RPS6KC1: variants seen among roughly 807,000 people sequenced by gnomAD.
The protein encoded by RPS6KC1 is ribosomal protein S6 kinase C1.
In RPS6KC1, 54 loss-of-function variants were observed where a neutral mutation model predicts 103.8. That is an observed-to-expected ratio of 0.52 (90% confidence interval 0.42 to 0.65). RPS6KC1 has a LOEUF of 0.65. Among genes scored for constraint, RPS6KC1 ranks in the 30% least tolerant of loss-of-function variants. RPS6KC1 has a pLI of 0.00. For synonymous variants in RPS6KC1, 439 were observed against 438.7 expected, an observed-to-expected ratio of 1.00 and a Z score of -0.01; for missense variants, 1,151 against 1,253.8, an observed-to-expected ratio of 0.92 and a Z score of 1.24.
chr1:213,260,484 G>T (rs1307543639), intron 12 of RPS6KC1, among the ~76,000 whole-genome samples: 2 of 152,258 alleles, frequency 1.3e-5, no homozygotes, highest in South Asian at 2.1e-4. Context: ...AAGCTATTTT[G>T]TAAGTTTGGG....
intron 8 of RPS6KC1, among the ~76,000 whole-genome samples, chr1:213,191,057 G>T (rs1435368856): frequency 6.6e-6 from 1 of 152,086 alleles, no homozygotes; most frequent in African/African-American, 2.4e-5. Flanking sequence ...TAGCTCTTTA[G>T]TATAATTTAA....
At chr1:213,354,367 C>T in the RPS6KC1 span, among the ~76,000 whole-genome samples, 2 of 152,166 alleles carry the variant, frequency 1.3e-5, no homozygotes, top group Non-Finnish European at 2.9e-5. Flanking sequence ...AGAACCCTCT[C>T]ATGTGTATGA....
chr1:213,504,323 C>G, the RPS6KC1 span, among the ~76,000 whole-genome samples: 1 of 152,070 alleles, frequency 6.6e-6, no homozygotes, highest in Non-Finnish European at 1.5e-5. Flanking sequence ...CTGTCTTAAT[C>G]TTATCCTTAC....
chr1:213,377,244 G>T, the RPS6KC1 span, among the ~76,000 whole-genome samples: 1 of 152,202 alleles, frequency 6.6e-6, no homozygotes, highest in African/African-American at 2.4e-5. Context: ...CTCCTTAGCT[G>T]CAGGGAGTTT....
rs375410345 is a variant in RPS6KC1, at chr1:213,086,517, T to C, written c.262+8701T>C. Among the ~76,000 whole-genome samples, 44 of 152,364 alleles carry C rather than the reference T, an allele frequency of 2.9e-4. No homozygotes were observed. In the South Asian group the frequency reaches 8.3e-3, roughly 29 times the overall value. ...GAGGCACCTCTTTCAGGTATTTCCTTTGGTTTTCCTCCTCAATCTAGGCAT... is the reference window on the plus strand; with the variant it reads ...GAGGCACCTCTTTCAGGTATTTCCTCTGGTTTTCCTCCTCAATCTAGGCAT... On this transcript the variant is annotated intron_variant, in intron 3 of 14. Coordinates refer to ENST00000366960, the MANE Select transcript of RPS6KC1 (RefSeq NM_012424.6).
At chr1:213,253,212 G>A (rs1286985408) in intron 12 of RPS6KC1, among the ~76,000 whole-genome samples, 1 of 152,096 alleles carries the variant, frequency 6.6e-6, no homozygotes, top group African/African-American at 2.4e-5. Flanking sequence ...TTGTCTCTGG[G>A]AATTTTTGGA....
chr1:213,433,523 T>C, the RPS6KC1 span, among the ~76,000 whole-genome samples: 1 of 152,204 alleles, frequency 6.6e-6, no homozygotes, highest in Non-Finnish European at 1.5e-5. Context: ...GATCATACGG[T>C]GTGTGTTTAA....
the RPS6KC1 span, among the ~76,000 whole-genome samples, chr1:213,637,620 A>T: frequency 2.6e-4 from 40 of 152,240 alleles, no homozygotes; most frequent in African/African-American, 9.1e-4. Context: ...GGTTGAAATG[A>T]TAAGTTTATA....
the RPS6KC1 span, among the ~76,000 whole-genome samples, chr1:213,728,135 T>C: frequency 6.6e-6 from 1 of 151,904 alleles, no homozygotes; most frequent in African/African-American, 2.4e-5. Flanking sequence ...TGAAGCAGCG[T>C]GATAAGCGGT....
chr1:213,058,433 G>T (rs184545691), intron 1 of RPS6KC1, among the ~76,000 whole-genome samples: 6,776 of 144,146 alleles, frequency 0.047, 226 homozygotes, highest in South Asian at 0.081. Flanking sequence ...CCATTTTGAG[G>T]TTTTTTTTTT....
At chr1:213,667,731 G>A in the RPS6KC1 span, among the ~76,000 whole-genome samples, 1 of 152,186 alleles carries the variant, frequency 6.6e-6, no homozygotes, top group Non-Finnish European at 1.5e-5. Flanking sequence ...TAGAACTTCT[G>A]TCAAATTGGA....
the RPS6KC1 span, among the ~76,000 whole-genome samples, chr1:213,738,565 C>T: frequency 4.6e-5 from 7 of 151,536 alleles, no homozygotes; most frequent in East Asian, 1.9e-4. Context: ...TAAAATAGAA[C>T]AGAAAAATTA....
At chr1:213,374,832 C>G in the RPS6KC1 span, among the ~76,000 whole-genome samples, 69,301 of 152,136 alleles carry the variant, frequency 0.46, 18,956 homozygotes, top group African/African-American at 0.78. Context: ...CTGCAACACA[C>G]CTCCAGAGGC....
the RPS6KC1 span, among the ~76,000 whole-genome samples, chr1:213,621,737 AT>A: frequency 1.3e-5 from 2 of 152,168 alleles, no homozygotes; most frequent in African/African-American, 4.8e-5. Context: ...TATTCCAAAA[AT>A]ATAAGGTATT....
the RPS6KC1 span, among the ~76,000 whole-genome samples, chr1:213,428,207 G>A: frequency 1.3e-5 from 2 of 152,116 alleles, no homozygotes; most frequent in Admixed American, 1.3e-4. Context: ...AGAGAGTCTG[G>A]GACCTGTCAA....
At chr1:213,288,998 C>G in the RPS6KC1 span, among the ~76,000 whole-genome samples, 4 of 152,082 alleles carry the variant, frequency 2.6e-5, no homozygotes, top group Non-Finnish European at 5.9e-5. Flanking sequence ...AGTGCTGCTG[C>G]TTCAGGTTTC....
the RPS6KC1 span, among the ~76,000 whole-genome samples, chr1:213,764,668 G>A: frequency 6.6e-6 from 1 of 152,138 alleles, no homozygotes; most frequent in Non-Finnish European, 1.5e-5. Flanking sequence ...TTGGGGACAG[G>A]GAGTCAGGGA....
chr1:213,839,562 G>A, the RPS6KC1 span, among the ~76,000 whole-genome samples: 1 of 152,180 alleles, frequency 6.6e-6, no homozygotes, highest in Non-Finnish European at 1.5e-5. Flanking sequence ...AAGAATGCCT[G>A]TCTACCTCTC....
At chr1:213,164,333 G>A (rs962792276) in intron 6 of RPS6KC1, among the ~76,000 whole-genome samples, 23 of 152,126 alleles carry the variant, frequency 1.5e-4, no homozygotes, top group Admixed American at 1.2e-3. Flanking sequence ...CACAGCATGG[G>A]TAATTGAGTG....
Sources: gnomAD v4.1 joint callset for allele counts (sites outside exome capture counted in the v4.1 genomes callset) on GRCh38, gnomAD v4.1.1 for gene constraint, MANE v1.5 for transcripts, NCBI Gene and HGNC (gene_info 2026-07-23, HGNC 2026-07-21) for gene names.